LOXHD1: variants seen among roughly 807,000 people sequenced by gnomAD.
LOXHD1 encodes lipoxygenase homology domain-containing protein 1.
LOXHD1 carries 205 observed loss-of-function variants against 248.2 expected under a neutral mutation model. The ratio of observed to expected loss-of-function variants is 0.83; its 90% CI spans 0.74 to 0.93. The LOEUF (loss-of-function observed/expected upper bound fraction) is 0.93, where lower values mean the gene tolerates loss of function less well. LOXHD1 is among the 40% of genes least tolerant of loss of function. The pLI, the probability that LOXHD1 is intolerant of heterozygous loss-of-function variation, is 0.00. For missense variants in LOXHD1, 2,930 were observed against 2,971.6 expected, an observed-to-expected ratio of 0.99 and a Z score of 0.33; for synonymous variants, 1,113 against 1,162.8, an observed-to-expected ratio of 0.96 and a Z score of 0.87.
chr18:46,572,014 A>G (rs1291037295), intron 15 of LOXHD1, 72 bp downstream of exon 15: 4 of 1,332,460 alleles, frequency 3.0e-6, no homozygotes, highest in Non-Finnish European at 4.2e-6. Flanking sequence ...TGTTTTCTTG[A>G]AGGGCTTAGC....
In LOXHD1 at chr18:46,524,720, G is replaced by A. The variant is rs755646221; in HGVS notation, c.4728C>T (p.Leu1576=). The stretch of plus-strand genomic sequence containing the variant: ...CCCCTTGGCTCACCTTCTCGTAAAA[G>A]AGCCTCTCGAGTCGCCCATCCTCCT... ...LKKEDGRLER[L]FYEKEYTGDR... The change falls in exon 30 of 41, where the codon CTC becomes CTT. Residue 1576 remains leucine (L), a synonymous_variant. Transcript: ENST00000642948. 6.4e-6 allele frequency: 10 copies of A among 1,551,618 alleles called. No individual in the cohort carries two copies. The East Asian group carries it at 7.3e-5, about 11-fold the overall frequency.
intron 1 of LOXHD1, among the ~76,000 whole-genome samples, chr18:46,655,364 T>A (rs897525909): frequency 6.6e-6 from 1 of 152,126 alleles, no homozygotes; most frequent in African/African-American, 2.4e-5. Flanking sequence ...AGGAGAACGA[T>A]CATTATGGCC....
At chr18:46,582,071 T>C (rs2037973939) in intron 12 of LOXHD1, among the ~76,000 whole-genome samples, 2 of 152,180 alleles carry the variant, frequency 1.3e-5, no homozygotes, top group South Asian at 4.1e-4. Context: ...AAACAGTAAC[T>C]TGAAATCACC....
At position 46,560,016 on chromosome 18, in the gene LOXHD1, G is replaced by C. The variant is rs900546192; in HGVS notation, c.3061+67C>G. On this transcript the variant is annotated intron_variant, in intron 19 of 40. Coordinates refer to ENST00000642948, the MANE Select transcript of LOXHD1 (RefSeq NM_001384474.1). ...GGGGGATCTAGGCCCCCTGCCCCCA[G>C]TGGGCCCCCTTTAGGGGAACTGTCT... The C allele has an allele frequency of 8.0e-6, 12 of 1,494,488 alleles. No homozygotes were observed. In the South Asian group the frequency reaches 1.6e-4, roughly 20 times the overall value. The allele number at this position is 1,494,488 out of a possible 1,614,324, so 92.6% of individuals were successfully genotyped here.
chr18:46,633,461 A>G (rs1375903239), intron 4 of LOXHD1, among the ~76,000 whole-genome samples: 1 of 152,246 alleles, frequency 6.6e-6, no homozygotes, highest in Non-Finnish European at 1.5e-5. Context: ...TATCATCTGC[A>G]AAATTTCACT....
intron 4 of LOXHD1, among the ~76,000 whole-genome samples, chr18:46,632,886 T>C (rs1366230146): frequency 6.6e-6 from 1 of 152,180 alleles, no homozygotes; most frequent in Non-Finnish European, 1.5e-5. Flanking sequence ...GATGTCTGAC[T>C]GAACCATTCC....
intron 29 of LOXHD1, among the ~76,000 whole-genome samples, chr18:46,525,927 C>G (rs1010316072): frequency 6.6e-6 from 1 of 152,166 alleles, no homozygotes; most frequent in Admixed American, 6.6e-5. Context: ...TGTGTGAGGA[C>G]TAGAGCCAGG....
rs1167036374 is a variant in LOXHD1, at chr18:46,594,313, T to C, written c.1270+18A>G. On this transcript the variant is annotated intron_variant, in intron 9 of 40. Coordinates refer to ENST00000642948, the MANE Select transcript of LOXHD1 (RefSeq NM_001384474.1). ...CCCTGGCTGAGAGGCCTCCAGGTTC[T>C]GGGTCTCTCTCACTTACTTTTCAGC... is the stretch of plus-strand genomic sequence containing the variant. The C allele has an allele frequency of 1.3e-6, 2 of 1,551,478 alleles. No homozygotes were observed. The highest frequency in any genetic ancestry group is 2.7e-5 in the African/African-American group (2 of 73,172).
chr18:46,561,990 C>T (rs1326377727), intron 18 of LOXHD1, among the ~76,000 whole-genome samples: 1 of 152,196 alleles, frequency 6.6e-6, no homozygotes, highest in South Asian at 2.1e-4. Flanking sequence ...AGAAGACACG[C>T]TATCCAGTTC....
rs145801398 is a variant in LOXHD1, at chr18:46,586,221, T to C, written c.1654+5712A>G. On this transcript the variant is annotated intron_variant, in intron 12 of 40. Coordinates refer to ENST00000642948, the MANE Select transcript of LOXHD1 (RefSeq NM_001384474.1). ...CCAATCTGTGGAGACAAAAAGTAGA[T>C]TAGTGGTTGTCAGAGGCAGAGGGGT... Among the ~76,000 whole-genome samples, 23 of 152,176 alleles carry C rather than the reference T, an allele frequency of 1.5e-4. No homozygotes were observed. In the East Asian group the frequency reaches 4.1e-3, roughly 27 times the overall value.
chr18:46,642,141 G>T (rs996162450), intron 2 of LOXHD1, 105 bp from the exon 3 acceptor site: 12 of 1,009,796 alleles, frequency 1.2e-5, no homozygotes, highest in Middle Eastern at 2.1e-4. Flanking sequence ...TCCCACTCCT[G>T]GGGAGAGCTA....
In LOXHD1 at chr18:46,489,101, C is replaced by T. The variant is rs191191803; in HGVS notation, c.5920G>A (p.Asp1974Asn). ...GWHLSYVDVK[D>N]NSRDETFHFQ... ...TGGAAGGTCTCGTCGCGGGAGTTGTCCTTCACATCGACATAGCTCAGATGC... is the reference window on the plus strand; with the variant it reads ...TGGAAGGTCTCGTCGCGGGAGTTGTTCTTCACATCGACATAGCTCAGATGC... The change falls in exon 38 of 41, where the codon GAC becomes AAC. Residue 1974 changes from aspartate (D) to asparagine (N), a missense_variant. Asp to Asn is a conservative substitution (Grantham distance 23, BLOSUM62 1). Transcript: ENST00000642948. 2 of 1,551,680 alleles carry T rather than the reference C, an allele frequency of 1.3e-6. No homozygotes were observed. Among genetic ancestry groups the T allele is most frequent in the East Asian group, 4.9e-5 (2 of 40,914 alleles).
intron 6 of LOXHD1, among the ~76,000 whole-genome samples, chr18:46,604,635 G>A (rs999689068): frequency 7.2e-5 from 11 of 152,220 alleles, no homozygotes; most frequent in African/African-American, 2.7e-4. Flanking sequence ...GAGAAGCAGA[G>A]CCCAGGCAAG....
At chr18:46,607,327 G>GTGCATATATACATGTACATATACA (rs2038430706) in intron 6 of LOXHD1, among the ~76,000 whole-genome samples, 1 of 149,632 alleles carries the variant, frequency 6.7e-6, no homozygotes, top group Non-Finnish European at 1.5e-5. Flanking sequence ...ACACATATAT[G>GTGCATATATACATGTACATATACA]TGCATATATA....
At chr18:46,649,319 A>C in intron 1 of LOXHD1, 50 bp from the exon 2 acceptor site, 196 of 1,414,038 alleles carry the variant, frequency 1.4e-4, no homozygotes, top group Non-Finnish European at 1.8e-4. Flanking sequence ...AAAAACCGGA[A>C]TCCTGTGTGG....
intron 13 of LOXHD1, among the ~76,000 whole-genome samples, chr18:46,578,100 T>G (rs1224961194): frequency 6.6e-6 from 1 of 152,176 alleles, no homozygotes; most frequent in Non-Finnish European, 1.5e-5. Flanking sequence ...AAAGGCAGCT[T>G]CCTCTGGGAA....
At chr18:46,501,812 T>C (rs1348124035) in intron 37 of LOXHD1, among the ~76,000 whole-genome samples, 22 of 152,192 alleles carry the variant, frequency 1.4e-4, no homozygotes, top group Admixed American at 1.4e-3. Context: ...ACATTAAAAC[T>C]GAGGGGATTG....
chr18:46,560,770 T>C (rs2037510469), intron 18 of LOXHD1, among the ~76,000 whole-genome samples: 2 of 152,178 alleles, frequency 1.3e-5, no homozygotes, highest in Non-Finnish European at 2.9e-5. Context: ...CAAAGTTTAT[T>C]TCTTCCAACT....
At position 46,650,571 on chromosome 18, in the gene LOXHD1, T is replaced by C. The variant is rs534579416; in HGVS notation, c.131-1302A>G. 9.9e-4 allele frequency among the ~76,000 whole-genome samples: 151 copies of C among 152,330 alleles called. 1 individual carries two copies. Among genetic ancestry groups the C allele is most frequent in the Middle Eastern group, 3.4e-3 (1 of 294 alleles). ...TTTTCAGAGCAGATCCCCAACCAGA[T>C]GCTGAGTATATTTGAGTGGCCCCAA... On this transcript the variant is annotated intron_variant, in intron 1 of 40. Transcript: ENST00000642948.
Sources: gnomAD v4.1 joint callset for allele counts (sites outside exome capture counted in the v4.1 genomes callset) on GRCh38, gnomAD v4.1.1 for gene constraint, MANE v1.5 for transcripts, NCBI Gene and HGNC (gene_info 2026-07-23, HGNC 2026-07-21) for gene names.